The following TULP4 variants were observed in gnomAD, a reference collection of about 807,000 sequenced individuals.
TULP4 encodes tubby-related protein 4.
A neutral mutation model predicts 129.0 loss-of-function variants in TULP4; 16 were observed. The observed-to-expected ratio is 0.12, with a 90% CI of 0.08 to 0.19. The LOEUF is 0.19. Among genes scored for constraint, TULP4 ranks in the 10% least tolerant of loss-of-function variants. TULP4 has a pLI of 1.00. For missense variants in TULP4, 1,842 were observed against 2,059.1 expected (o/e 0.89, Z 2.04); for synonymous variants, 998 against 854.0 (o/e 1.17, Z -2.94).
intron 5 of TULP4, 117 bp from the exon 6 acceptor site, chr6:158,461,446 T>G: frequency 7.2e-6 from 7 of 974,624 alleles, no homozygotes; most frequent in South Asian, 3.8e-5. Flanking sequence ...CATGAATATA[T>G]TTTTGTTGTA....
At chr6:158,414,318 T>C (rs1778158670) in intron 2 of TULP4, among the ~76,000 whole-genome samples, 1 of 130,032 alleles carries the variant, frequency 7.7e-6, no homozygotes, top group African/African-American at 2.5e-5. Flanking sequence ...GACATCTTCA[T>C]GTGAGTGGAC....
At chr6:158,355,837 T>C (rs1037453163) in intron 1 of TULP4, among the ~76,000 whole-genome samples, 1 of 152,204 alleles carries the variant, frequency 6.6e-6, no homozygotes, top group African/African-American at 2.4e-5. Context: ...AATTTATACA[T>C]GCAACAACAT....
At chr6:158,358,153 C>T (rs1037105839) in intron 1 of TULP4, among the ~76,000 whole-genome samples, 2 of 152,170 alleles carry the variant, frequency 1.3e-5, no homozygotes, top group Admixed American at 6.5e-5. Flanking sequence ...TTCTCAAGAT[C>T]GGTTTCTCAG....
At chr6:158,290,765 C>G (rs1467386079) in intron 1 of TULP4, among the ~76,000 whole-genome samples, 1 of 115,184 alleles carries the variant, frequency 8.7e-6, no homozygotes, top group Non-Finnish European at 1.9e-5. Flanking sequence ...CTCTGGTCAT[C>G]CTTGTTTGAT....
intron 1 of TULP4, among the ~76,000 whole-genome samples, chr6:158,239,437 C>A (rs1369664098): frequency 3.3e-5 from 2 of 60,460 alleles, no homozygotes; most frequent in African/African-American, 1.1e-4. Context: ...CCCTCCCGGA[C>A]GGGGCGGCTG....
chr6:158,300,928 T>C (rs1275443456), intron 1 of TULP4, among the ~76,000 whole-genome samples: 3 of 152,132 alleles, frequency 2.0e-5, no homozygotes, highest in Non-Finnish European at 2.9e-5. Flanking sequence ...ATGAGTGAGA[T>C]TATGGAACTC....
At chr6:158,447,286 AT>A (rs1203563258) in intron 3 of TULP4, among the ~76,000 whole-genome samples, 7 of 150,626 alleles carry the variant, frequency 4.6e-5, no homozygotes, top group Admixed American at 2.0e-4. Flanking sequence ...TCAGATAGTA[AT>A]TTTTTTTTTG....
At chr6:158,267,974 T>G (rs1778478333) in intron 1 of TULP4, among the ~76,000 whole-genome samples, 1 of 152,038 alleles carries the variant, frequency 6.6e-6, no homozygotes, top group Non-Finnish European at 1.5e-5. Context: ...TTTTAAAATT[T>G]TTTTTTGTTC....
chr6:158,481,170 C>G lies in TULP4; in HGVS notation c.1367C>G (p.Pro456Arg), dbSNP rs776920426. The change falls in exon 8 of 14, where the codon CCG (proline) becomes CGG (arginine). Residue 456 changes from proline (P) to arginine (R), a missense_variant. Physicochemically the swap from Pro to Arg is moderately radical, Grantham distance 103. This residue lies in a region of TULP4 where 456 missense variants were observed against 534.3 expected (regional missense o/e 0.85). Transcript: ENST00000367097. ...RTEDDPEVGG[P>R]CYTLYLEYLG... ...GAGGACGACCCGGAGGTGGGCGGCC[C>G]GTGCTACACGCTCTACCTGGAGTAC... is the stretch of plus-strand genomic sequence containing the variant. 2 of 1,614,188 alleles carry G rather than the reference C, an allele frequency of 1.2e-6. No homozygotes were observed. Among genetic ancestry groups the G allele is most frequent in the Non-Finnish European group, 1.7e-6 (2 of 1,180,032 alleles).
intron 1 of TULP4, among the ~76,000 whole-genome samples, chr6:158,339,908 T>C (rs904373826): frequency 2.6e-5 from 4 of 152,174 alleles, no homozygotes; most frequent in African/African-American, 9.7e-5. Flanking sequence ...GCATAGGAAA[T>C]CACAAGAATA....
intron 1 of TULP4, among the ~76,000 whole-genome samples, chr6:158,287,248 C>T (rs1421088834): frequency 2.0e-5 from 3 of 152,268 alleles, no homozygotes; most frequent in East Asian, 3.9e-4. Context: ...CGTGGCCAGA[C>T]ATATGCATGT....
intron 1 of TULP4, among the ~76,000 whole-genome samples, chr6:158,290,126 G>C (rs962815409): frequency 6.6e-6 from 1 of 152,086 alleles, no homozygotes; most frequent in South Asian, 2.1e-4. Flanking sequence ...TGTAGAAACG[G>C]GGTCCCACTG....
chr6:158,490,680 T>A (rs531447602), intron 9 of TULP4, among the ~76,000 whole-genome samples: 3 of 152,350 alleles, frequency 2.0e-5, no homozygotes, highest in South Asian at 2.1e-4. Context: ...TCCCTCCATT[T>A]GATACCCATT....
At chr6:158,450,449 A>G in intron 4 of TULP4, among the ~76,000 whole-genome samples, 1 of 152,232 alleles carries the variant, frequency 6.6e-6, no homozygotes, top group East Asian at 1.9e-4. Flanking sequence ...GTGTACACAC[A>G]TACTCATTCA....
rs116856754 is a variant in TULP4 at position 158,274,820 on chromosome 6, C to T, written n.69-37231C>T. On this transcript the variant is annotated intron_variant and non_coding_transcript_variant, in intron 1 of 1. Transcript: ENST00000620026. ...ACCAAAACCTTCCAGTGGCTTCCCACTGCACTCCGAATAAAATATAAGCCC... is the reference window on the plus strand; with the variant it reads ...ACCAAAACCTTCCAGTGGCTTCCCATTGCACTCCGAATAAAATATAAGCCC... 2.0e-3 allele frequency among the ~76,000 whole-genome samples: 304 copies of T among 152,314 alleles called. 1 individual carries two copies. The highest frequency in any genetic ancestry group is 3.5e-3 in the Admixed American group (53 of 15,304).
intron 1 of TULP4, among the ~76,000 whole-genome samples, chr6:158,273,564 A>G (rs1778586986): frequency 6.6e-6 from 1 of 152,218 alleles, no homozygotes; most frequent in African/African-American, 2.4e-5. Flanking sequence ...TAAACATTGC[A>G]GACTCAACAT....
At chr6:158,236,161 T>G (rs1011185945) in intron 1 of TULP4, among the ~76,000 whole-genome samples, 5 of 152,220 alleles carry the variant, frequency 3.3e-5, no homozygotes, top group African/African-American at 1.2e-4. Context: ...GAAATGTAGG[T>G]AAATGTTAAT....
At chr6:158,257,301 G>C (rs1378191793) in intron 1 of TULP4, among the ~76,000 whole-genome samples, 2 of 152,066 alleles carry the variant, frequency 1.3e-5, no homozygotes, top group Non-Finnish European at 2.9e-5. Flanking sequence ...CTCAGGCCAG[G>C]GAACATGTTA....
chr6:158,413,717 G>A lies in TULP4; in HGVS notation c.381+524G>A, dbSNP rs908737827. ...AGTTTGTCTCTGCTCTCAGGAAACA[G>A]TTGCACCCAGGACAGCCTGCTGAGC... On this transcript the variant is annotated intron_variant, in intron 2 of 13. Transcript: ENST00000367097. The surrounding 1 kb of genome is among the most constrained non-coding windows in gnomAD (Gnocchi z 4.9). Among the ~76,000 whole-genome samples, 2 of 145,832 alleles carry A rather than the reference G, an allele frequency of 1.4e-5. No individual in the cohort carries two copies. Among genetic ancestry groups the A allele is most frequent in the African/African-American group, 2.4e-5 (1 of 41,024 alleles).
Sources: allele counts gnomAD v4.1 joint callset (sites outside exome capture counted in the v4.1 genomes callset), GRCh38; gene constraint gnomAD v4.1.1; regional missense constraint gnomAD v4.1.1; non-coding constraint Gnocchi (gnomAD v3.1); transcripts MANE v1.5; gene names NCBI Gene and HGNC (gene_info 2026-07-23, HGNC 2026-07-21).